The following RSRC1 variants were observed in gnomAD, a reference collection of about 807,000 sequenced individuals.
RSRC1 encodes the protein serine/Arginine-related protein 53.
RSRC1 carries 39 observed loss-of-function variants against 49.1 expected under a neutral mutation model. The observed-to-expected ratio is 0.79, with a 90% CI of 0.61 to 1.04. RSRC1 has a LOEUF of 1.04. Among genes scored for constraint, RSRC1 ranks in the 50% least tolerant of loss-of-function variants. RSRC1 has a pLI of 0.00. For missense variants in RSRC1, 388 were observed against 402.4 expected (o/e 0.96, Z 0.31); for synonymous variants, 143 against 130.8 (o/e 1.09, Z -0.63).
chr3:158,263,880 AT>A (rs1447880882), intron 4 of RSRC1, among the ~76,000 whole-genome samples: 1 of 152,226 alleles, frequency 6.6e-6, no homozygotes, highest in African/African-American at 2.4e-5. Flanking sequence ...GTCTACACCG[AT>A]GTCACTTCGT....
At chr3:158,332,977 T>TG (rs1232949191) in intron 5 of RSRC1, among the ~76,000 whole-genome samples, 3 of 151,160 alleles carry the variant, frequency 2.0e-5, no homozygotes, top group South Asian at 2.1e-4. Context: ...TTTTGTTTTT[T>TG]TTTTTTTTTG....
At chr3:158,172,977 T>G (rs1718963348) in intron 3 of RSRC1, among the ~76,000 whole-genome samples, 1 of 152,056 alleles carries the variant, frequency 6.6e-6, no homozygotes. Flanking sequence ...TTAGGATATG[T>G]GGTTTTTTAA....
rs777224695 is a variant in RSRC1, at chr3:158,324,924, G to C, written c.531+26849G>C. 4.6e-4 allele frequency among the ~76,000 whole-genome samples: 70 copies of C among 152,214 alleles called. 1 individual carries two copies. The highest frequency in any genetic ancestry group is 6.8e-3 in the Middle Eastern group (2 of 294). On this transcript the variant is annotated intron_variant, in intron 5 of 9. Transcript: ENST00000611884. ...TCCTGACTTTTTAATGATCGCCATT[G>C]TAACTGGCCTGAGATGGTATCTCAT... is the stretch of plus-strand genomic sequence containing the variant.
At chr3:158,453,396 T>C (rs77013773) in intron 6 of RSRC1, among the ~76,000 whole-genome samples, 2 of 151,722 alleles carry the variant, frequency 1.3e-5, no homozygotes, top group Admixed American at 1.3e-4. Flanking sequence ...TTTTTTTTTT[T>C]TCGAGTCGGA....
chr3:158,124,441 T>A (rs556745756), intron 3 of RSRC1, among the ~76,000 whole-genome samples: 2 of 152,286 alleles, frequency 1.3e-5, no homozygotes, highest in Admixed American at 6.5e-5. Flanking sequence ...ATAAAATGAG[T>A]TTGGAAGTAC....
At chr3:158,220,647 T>TCTTC (rs1226250371) in intron 4 of RSRC1, among the ~76,000 whole-genome samples, 1 of 151,632 alleles carries the variant, frequency 6.6e-6, no homozygotes, top group Non-Finnish European at 1.5e-5. Context: ...GGATACTTTT[T>TCTTC]CTTCCTTCCT....
chr3:158,147,967 A>G (rs1717251966), intron 3 of RSRC1, among the ~76,000 whole-genome samples: 1 of 152,228 alleles, frequency 6.6e-6, no homozygotes, highest in Non-Finnish European at 1.5e-5. Context: ...TCCAATAACT[A>G]TAAAATTTTC....
chr3:158,319,768 A>G (rs991938679), intron 5 of RSRC1, among the ~76,000 whole-genome samples: 3 of 152,202 alleles, frequency 2.0e-5, no homozygotes, highest in Admixed American at 1.3e-4. Flanking sequence ...ACTAGAATGC[A>G]TATATGTACA....
intron 5 of RSRC1, among the ~76,000 whole-genome samples, chr3:158,345,800 T>C (rs1368315611): frequency 6.7e-6 from 1 of 148,750 alleles, no homozygotes; most frequent in Admixed American, 6.8e-5. Context: ...CACATATATA[T>C]GTATTACACA....
At chr3:158,282,137 A>G (rs929417577) in intron 4 of RSRC1, among the ~76,000 whole-genome samples, 4 of 152,220 alleles carry the variant, frequency 2.6e-5, no homozygotes, top group Non-Finnish European at 4.4e-5. Context: ...TGTGGTAACA[A>G]AGCAGGTTTA....
chr3:158,378,930 A>G (rs536079660), intron 6 of RSRC1, among the ~76,000 whole-genome samples: 11 of 152,354 alleles, frequency 7.2e-5, no homozygotes, highest in African/African-American at 2.4e-4. Flanking sequence ...CAGAGATTTT[A>G]AATGGTTACT....
intron 3 of RSRC1, among the ~76,000 whole-genome samples, chr3:158,177,063 A>G (rs1356025657): frequency 6.6e-6 from 1 of 152,268 alleles, no homozygotes; most frequent in Non-Finnish European, 1.5e-5. Context: ...ACTGGTCATC[A>G]GAGAAATACA....
chr3:158,313,291 G>A (rs908596130), intron 5 of RSRC1, among the ~76,000 whole-genome samples: 4 of 152,058 alleles, frequency 2.6e-5, no homozygotes, highest in African/African-American at 9.7e-5. Context: ...TATATCTGTA[G>A]TGCCTAGTGA....
chr3:158,299,174 C>T (rs1023341166), intron 5 of RSRC1, among the ~76,000 whole-genome samples: 1 of 152,036 alleles, frequency 6.6e-6, no homozygotes, highest in Non-Finnish European at 1.5e-5. Flanking sequence ...CTGTTTATAA[C>T]TTCATAATAG....
chr3:158,228,981 TAA>T (rs1722713182), intron 4 of RSRC1, among the ~76,000 whole-genome samples: 1 of 130,462 alleles, frequency 7.7e-6, no homozygotes, highest in Non-Finnish European at 1.7e-5. Context: ...TATGTGTGTA[TAA>T]ACACACATAC....
At chr3:158,361,487 C>T (rs980982671) in intron 6 of RSRC1, among the ~76,000 whole-genome samples, 2 of 152,148 alleles carry the variant, frequency 1.3e-5, no homozygotes, top group Non-Finnish European at 2.9e-5. Context: ...GACCCACTAC[C>T]GTTATTGCTG....
chr3:158,122,155 A>G lies in RSRC1; in HGVS notation c.51A>G (p.Lys17=). 1 of 1,572,028 alleles carries G rather than the reference A, an allele frequency of 6.4e-7. No homozygotes were observed. The highest frequency in any genetic ancestry group is 8.6e-7 in the Non-Finnish European group (1 of 1,160,224). ...DTEEESRSKR[K]KKHRRRSSSS... is the part of the protein sequence containing the mutation. ...AAGAAGAAAGCAGAAGCAAGAGAAA[A>G]AAGAAACACCGTAGACGGTCCTCCT... The change falls in exon 2 of 10, where the codon AAA becomes AAG. Residue 17 remains lysine, a synonymous_variant. Transcript: ENST00000611884.
At chr3:158,347,232 T>A (rs1317840887) in intron 5 of RSRC1, among the ~76,000 whole-genome samples, 1 of 152,190 alleles carries the variant, frequency 6.6e-6, no homozygotes, top group Non-Finnish European at 1.5e-5. Context: ...ATCTTTTTAT[T>A]CTCAACTTGT....
chr3:158,529,380 A>G (rs1384735031), intron 7 of RSRC1, among the ~76,000 whole-genome samples: 1 of 151,802 alleles, frequency 6.6e-6, no homozygotes, highest in African/African-American at 2.4e-5. Context: ...GTGGGTAAAG[A>G]ATTCATTTGA....
Sources: allele counts gnomAD v4.1 joint callset (sites outside exome capture counted in the v4.1 genomes callset), GRCh38; gene constraint gnomAD v4.1.1; transcripts MANE v1.5; gene names NCBI Gene and HGNC (gene_info 2026-07-23, HGNC 2026-07-21).